Variants in SEMA3E observed in about 807,000 individuals in gnomAD.
The protein encoded by SEMA3E is semaphorin 3E, also known as semaphorin-3E.
SEMA3E carries 49 observed loss-of-function variants against 93.6 expected under a neutral mutation model. That is an observed-to-expected ratio of 0.52 (90% CI 0.42 to 0.66). The LOEUF (loss-of-function observed/expected upper bound fraction) is 0.66, where lower values mean the gene tolerates loss of function less well. Ranked by LOEUF, SEMA3E falls within the 30% of genes least tolerant of loss-of-function variation. The pLI is 0.00. For synonymous variants in SEMA3E, 363 were observed against 330.7 expected (o/e 1.10, Z -1.06); for missense variants, 906 against 964.8 (o/e 0.94, Z 0.81).
intron 1 of SEMA3E, among the ~76,000 whole-genome samples, chr7:83,558,952 T>G (rs1791973062): frequency 6.6e-6 from 1 of 152,114 alleles, no homozygotes; most frequent in Non-Finnish European, 1.5e-5. Flanking sequence ...GAAAATGATG[T>G]TTTTTGACCT....
At chr7:83,564,382 T>C (rs542538277) in intron 1 of SEMA3E, among the ~76,000 whole-genome samples, 1 of 151,838 alleles carries the variant, frequency 6.6e-6, no homozygotes, top group Non-Finnish European at 1.5e-5. Context: ...ATCATGTCAT[T>C]GCACTCCAGC....
chr7:83,367,872 A>C lies in SEMA3E; in HGVS notation c.2042T>G (p.Met681Arg), dbSNP rs1308380295. 3 of 1,611,964 alleles carry C rather than the reference A, an allele frequency of 1.9e-6. No homozygotes were observed. The highest frequency in any genetic ancestry group is 2.5e-6 in the Non-Finnish European group (3 of 1,178,528). ...EVVEEEKVED[M>R]FNKDDEEDRH... ...GTCCTCCTCATCGTCCTTGTTAAAC[A>C]TATCCTCGACTTTCTCCTCTTCCAC... The change falls in exon 17 of 17, where the codon ATG (methionine) becomes AGG (arginine). Residue 681 changes from methionine to arginine, a missense_variant. Physicochemically the swap from Met to Arg is moderately conservative, Grantham distance 91 (BLOSUM62 -1). Transcript: ENST00000643230.
At chr7:83,419,179 T>C (rs1025865954) in intron 4 of SEMA3E, among the ~76,000 whole-genome samples, 1 of 152,188 alleles carries the variant, frequency 6.6e-6, no homozygotes, top group Non-Finnish European at 1.5e-5. Flanking sequence ...TTAATTCACT[T>C]AGGATAATGA....
intron 1 of SEMA3E, among the ~76,000 whole-genome samples, chr7:83,568,305 G>A (rs188648002): frequency 5.9e-5 from 9 of 152,002 alleles, no homozygotes; most frequent in Non-Finnish European, 4.4e-5. Flanking sequence ...AATGGGTAAA[G>A]AACTAACCCA....
chr7:83,516,680 C>T (rs189173477), intron 1 of SEMA3E, among the ~76,000 whole-genome samples: 223 of 152,138 alleles, frequency 1.5e-3, no homozygotes, highest in Non-Finnish European at 2.2e-3. Flanking sequence ...CTGAAGCCAA[C>T]GTATTCTGAT....
intron 1 of SEMA3E, among the ~76,000 whole-genome samples, chr7:83,647,074 T>G (rs115531921): frequency 0.018 from 2,793 of 152,216 alleles, 81 homozygotes; most frequent in African/African-American, 0.064. Flanking sequence ...TGATACATCT[T>G]CCCAAGTTAA....
chr7:83,466,647 T>C (rs762410740), intron 3 of SEMA3E, 46 bp from the exon 4 acceptor site: 4 of 1,605,722 alleles, frequency 2.5e-6, no homozygotes, highest in Non-Finnish European at 2.5e-6. Context: ...ATAATAAACA[T>C]GTTTCGTCCT....
intron 1 of SEMA3E, among the ~76,000 whole-genome samples, chr7:83,600,320 C>CTT (rs34265150): frequency 1.8e-3 from 257 of 142,952 alleles, no homozygotes; most frequent in African/African-American, 5.9e-3. Flanking sequence ...AATATTAATT[C>CTT]TTTTTTTTTT....
chr7:83,382,160 A>G (rs1002008443), intron 16 of SEMA3E, among the ~76,000 whole-genome samples: 2 of 151,990 alleles, frequency 1.3e-5, no homozygotes, highest in African/African-American at 4.8e-5. Flanking sequence ...ATTTCAGAAG[A>G]TTTTGTGTTT....
At position 83,470,864 on chromosome 7, in the gene SEMA3E, T is replaced by TTA. The variant is rs574200240; in HGVS notation, c.277-1563_277-1562insTA. 1.4e-3 allele frequency among the ~76,000 whole-genome samples: 88 copies of TTA among 63,178 alleles called. 1 individual carries two copies. Among genetic ancestry groups the TTA allele is most frequent in the African/African-American group, 3.7e-3 (77 of 20,590 alleles). 41.4% of individuals were successfully genotyped at this position (63,178 alleles called of 152,430 possible). On this transcript the variant is annotated intron_variant, in intron 2 of 16. Transcript: ENST00000643230. ...AAGGTGTGGTTCCCCCACATTTTCT[T>TTA]TTTTTTTTTTTTTTGGATCTTAAAG...
intron 4 of SEMA3E, among the ~76,000 whole-genome samples, chr7:83,419,448 G>T (rs934715691): frequency 2.0e-5 from 3 of 152,146 alleles, no homozygotes; most frequent in Non-Finnish European, 4.4e-5. Flanking sequence ...AATTTACCCA[G>T]TAATTGGGAT....
At chr7:83,632,185 A>G (rs1013617425) in intron 1 of SEMA3E, among the ~76,000 whole-genome samples, 1 of 151,930 alleles carries the variant, frequency 6.6e-6, no homozygotes, top group African/African-American at 2.4e-5. Context: ...ATTGGTTAAC[A>G]GCACCACCAC....
Position 83,363,394 on chromosome 7 carries a change from C to T in SEMA3E, c.*4192G>A, listed in dbSNP as rs1046307976. On this transcript the variant is annotated 3_prime_UTR_variant, in exon 17 of 17. Transcript: ENST00000643230. Reference sequence around the variant, plus strand: ...AGCTTGCCACCAGATGCTAATAAGTCTCATGGCTTAGAATCAGTGAAAAGA... The same window carrying T: ...AGCTTGCCACCAGATGCTAATAAGTTTCATGGCTTAGAATCAGTGAAAAGA... 1.2e-4 allele frequency: 19 copies of T among 152,266 alleles called. No homozygotes were observed. Among genetic ancestry groups the T allele is most frequent in the African/African-American group, 4.3e-4 (18 of 41,558 alleles). 9.4% of individuals were successfully genotyped at this position (152,266 alleles called of 1,614,324 possible).
chr7:83,391,295 C>T (rs565275304), intron 14 of SEMA3E, among the ~76,000 whole-genome samples: 15 of 152,216 alleles, frequency 9.9e-5, no homozygotes, highest in African/African-American at 3.6e-4. Context: ...TGCTCAACAG[C>T]AAGCTACTAC....
chr7:83,556,031 A>C (rs1248289468), intron 1 of SEMA3E, among the ~76,000 whole-genome samples: 1 of 152,108 alleles, frequency 6.6e-6, no homozygotes, highest in Non-Finnish European at 1.5e-5. Flanking sequence ...GAAAGCACTA[A>C]CTGCATTTTC....
intron 4 of SEMA3E, among the ~76,000 whole-genome samples, chr7:83,445,169 G>C (rs954373014): frequency 4.6e-5 from 7 of 152,208 alleles, no homozygotes; most frequent in African/African-American, 1.7e-4. Flanking sequence ...ACCTTGAGTG[G>C]AAGAGTAAAT....
chr7:83,604,425 C>A (rs7787056), intron 1 of SEMA3E, among the ~76,000 whole-genome samples: 47,865 of 144,068 alleles, frequency 0.33, 7,760 homozygotes, highest in Non-Finnish European at 0.36. Context: ...GGTTTTCTCT[C>A]TCTATATATA....
chr7:83,534,452 T>C (rs1252372909), intron 1 of SEMA3E, among the ~76,000 whole-genome samples: 2 of 152,162 alleles, frequency 1.3e-5, no homozygotes, highest in African/African-American at 4.8e-5. Context: ...AATCATTATA[T>C]ATTATATTTT....
At chr7:83,479,854 A>G (rs1790107003) in intron 2 of SEMA3E, among the ~76,000 whole-genome samples, 1 of 152,350 alleles carries the variant, frequency 6.6e-6, no homozygotes, top group East Asian at 1.9e-4. Flanking sequence ...TTGAATTAAA[A>G]TAAGTTAAAA....
Sources: allele counts gnomAD v4.1 joint callset (sites outside exome capture counted in the v4.1 genomes callset), GRCh38; gene constraint gnomAD v4.1.1; transcripts MANE v1.5; gene names NCBI Gene and HGNC (gene_info 2026-07-23, HGNC 2026-07-21).